CNOT6: variants seen among roughly 807,000 people sequenced by gnomAD.
CNOT6 encodes the protein carbon catabolite repression 4 protein.
In CNOT6, 12 loss-of-function variants were observed where a neutral mutation model predicts 61.2. That is an observed-to-expected ratio of 0.20 (90% CI 0.13 to 0.32). The LOEUF (loss-of-function observed/expected upper bound fraction) is 0.32, where lower values mean the gene tolerates loss of function less well. CNOT6 is among the 10% of genes least tolerant of loss of function. The pLI is 1.00. For missense variants in CNOT6, 405 were observed against 663.9 expected, an observed-to-expected ratio of 0.61 and a Z score of 4.28; for synonymous variants, 225 against 240.6, an observed-to-expected ratio of 0.94 and a Z score of 0.60.
intron 2 of CNOT6, among the ~76,000 whole-genome samples, chr5:180,542,114 C>A (rs1438434101): frequency 6.6e-6 from 1 of 152,104 alleles, no homozygotes; most frequent in African/African-American, 2.4e-5. Context: ...CTGTGGCTGC[C>A]TTAAGAGTCT....
intron 2 of CNOT6, among the ~76,000 whole-genome samples, chr5:180,532,273 A>G (rs1015416252): frequency 6.6e-6 from 1 of 152,090 alleles, no homozygotes; most frequent in Middle Eastern, 3.2e-3. Flanking sequence ...CAGTTTTTGC[A>G]TTACAATTCC....
intron 4 of CNOT6, among the ~76,000 whole-genome samples, chr5:180,558,883 A>G (rs1251757034): frequency 3.9e-5 from 6 of 152,142 alleles, no homozygotes; most frequent in Non-Finnish European, 7.4e-5. Context: ...GGCCCAAGCA[A>G]TCCCCCCACC....
chr5:180,501,274 A>G (rs774094744), intron 1 of CNOT6, among the ~76,000 whole-genome samples: 10 of 152,242 alleles, frequency 6.6e-5, no homozygotes, highest in Non-Finnish European at 1.5e-4. Flanking sequence ...AGCACAGGAT[A>G]CCAGAATTAG....
chr5:180,541,330 G>A (rs967973064), intron 2 of CNOT6, among the ~76,000 whole-genome samples: 29 of 151,376 alleles, frequency 1.9e-4, no homozygotes, highest in Non-Finnish European at 3.8e-4. Flanking sequence ...GTAGACACGG[G>A]GTTTCACCAT....
intron 1 of CNOT6, among the ~76,000 whole-genome samples, chr5:180,512,224 A>G (rs1757429307): frequency 6.6e-6 from 1 of 152,214 alleles, no homozygotes; most frequent in Non-Finnish European, 1.5e-5. Context: ...TTTTGTGAGA[A>G]AACAGCTTGT....
At chr5:180,558,695 T>C (rs1432465982) in intron 4 of CNOT6, among the ~76,000 whole-genome samples, 1 of 152,060 alleles carries the variant, frequency 6.6e-6, no homozygotes, top group Non-Finnish European at 1.5e-5. Context: ...ATTGAGACTT[T>C]TGTCTTCATG....
intron 2 of CNOT6, among the ~76,000 whole-genome samples, chr5:180,547,331 C>A (rs1014135582): frequency 6.6e-6 from 1 of 151,996 alleles, no homozygotes; most frequent in African/African-American, 2.4e-5. Flanking sequence ...ACCAGCCTGG[C>A]CAACATGGTG....
intron 11 of CNOT6, among the ~76,000 whole-genome samples, chr5:180,572,014 C>A (rs1430578289): frequency 6.6e-6 from 1 of 152,118 alleles, no homozygotes; most frequent in Non-Finnish European, 1.5e-5. Flanking sequence ...CTTTTGGGGA[C>A]AATTATGTTT....
intron 2 of CNOT6, among the ~76,000 whole-genome samples, chr5:180,541,173 C>T (rs1318106268): frequency 2.7e-5 from 4 of 150,300 alleles, no homozygotes; most frequent in Non-Finnish European, 5.9e-5. Flanking sequence ...GAGTCTTACT[C>T]TCTTGCCCAG....
rs35687441 is a variant in CNOT6, at chr5:180,575,892, GT to G, written c.*1704del. The G allele has an allele frequency of 0.2, 29,262 of 146,868 alleles. 2,859 individuals carry two copies. Among genetic ancestry groups the G allele is most frequent in the Non-Finnish European group, 0.22 (14,816 of 66,224 alleles). The allele number at this position is 146,868 out of a possible 1,614,324, so 9.1% of individuals were successfully genotyped here. ...GAGTCATTTTGGAAATGATTCTTAT[GT>G]TTTTTTTTTTTCTCCTTTTAGAAAA... On this transcript the variant is annotated 3_prime_UTR_variant, in exon 12 of 12. Transcript: ENST00000261951.
At chr5:180,551,624 G>A (rs1759606705) in intron 3 of CNOT6, among the ~76,000 whole-genome samples, 1 of 152,112 alleles carries the variant, frequency 6.6e-6, no homozygotes, top group African/African-American at 2.4e-5. Context: ...CATGTATTAT[G>A]TTAATCCCAA....
intron 1 of CNOT6, among the ~76,000 whole-genome samples, chr5:180,498,332 C>T (rs974945746): frequency 6.6e-6 from 1 of 152,194 alleles, no homozygotes; most frequent in African/African-American, 2.4e-5. Context: ...ACAAATAATA[C>T]TCCGATTTTG....
At chr5:180,559,042 A>G (rs1425422628) in intron 4 of CNOT6, among the ~76,000 whole-genome samples, 1 of 152,186 alleles carries the variant, frequency 6.6e-6, no homozygotes, top group Non-Finnish European at 1.5e-5. Flanking sequence ...GGCCTAGGAT[A>G]TGGTCCATCC....
intron 2 of CNOT6, among the ~76,000 whole-genome samples, chr5:180,548,362 G>A (rs1286941851): frequency 1.3e-5 from 2 of 152,148 alleles, no homozygotes; most frequent in South Asian, 4.1e-4. Context: ...CTCTGGCTCA[G>A]GTAGTTTCTC....
rs71591489 is a variant in CNOT6 at position 180,513,699 on chromosome 5, T to TTATTTATTTATTTATTTTTA, written c.-2-15575_-2-15574insATTTATTTATTTATTTTTAT. On this transcript the variant is annotated intron_variant, in intron 1 of 11. Coordinates refer to ENST00000261951, the MANE Select transcript of CNOT6 (RefSeq NM_001370472.1). ...TTTATTTATTTATTTATTTATTTAT[T>TTATTTATTTATTTATTTTTA]TTTATTTATTTATTTATTTTTGAGA... is the stretch of plus-strand genomic sequence containing the variant. 1.7e-4 allele frequency among the ~76,000 whole-genome samples: 24 copies of TTATTTATTTATTTATTTTTA among 140,056 alleles called. No individual in the cohort carries two copies. In the South Asian group the frequency reaches 2.7e-3, roughly 16 times the overall value. 91.9% of individuals were successfully genotyped at this position (140,056 alleles called of 152,430 possible).
chr5:180,539,831 C>T lies in CNOT6; in HGVS notation c.113-10100C>T, dbSNP rs182199943. On this transcript the variant is annotated intron_variant, in intron 2 of 11. Coordinates refer to ENST00000261951, the MANE Select transcript of CNOT6 (RefSeq NM_001370472.1). ...GTCTCCATCTCCTGACCTCATGATC[C>T]GCCCGCCTCGGCCTCCCAAAGTGCT... Among the ~76,000 whole-genome samples the T allele has an allele frequency of 1.6e-3, 238 of 151,894 alleles. 6 individuals carry two copies. In the East Asian group the frequency reaches 0.027, roughly 17 times the overall value.
chr5:180,517,152 T>G (rs1159496414), intron 1 of CNOT6, among the ~76,000 whole-genome samples: 1 of 152,210 alleles, frequency 6.6e-6, no homozygotes, highest in Non-Finnish European at 1.5e-5. Context: ...TCCTTTTTGT[T>G]TTTTCTAAGG....
In CNOT6 at chr5:180,575,871, C is replaced by T. The variant is rs1760979354; in HGVS notation, c.*1671C>T. 6.6e-6 allele frequency: 1 copy of T among 151,526 alleles called. No individual in the cohort carries two copies. Among genetic ancestry groups the T allele is most frequent in the Non-Finnish European group, 1.5e-5 (1 of 67,830 alleles). The allele number at this position is 151,526 out of a possible 1,614,324, so 9.4% of individuals were successfully genotyped here. A position where few individuals can be genotyped will look rare whatever the true frequency, so the allele number is the denominator to read the frequency against. ...AACAATTTTTATACAGAAAATGAGT[C>T]ATTTTGGAAATGATTCTTATGTTTT... On this transcript the variant is annotated 3_prime_UTR_variant, in exon 12 of 12. Transcript: ENST00000261951.
chr5:180,533,611 C>T (rs1210207988), intron 2 of CNOT6, among the ~76,000 whole-genome samples: 1 of 151,730 alleles, frequency 6.6e-6, no homozygotes, highest in Admixed American at 6.6e-5. Flanking sequence ...ATAGGGGTCT[C>T]CCTTTGTTGC....
Sources: gnomAD v4.1 joint callset for allele counts (sites outside exome capture counted in the v4.1 genomes callset) on GRCh38, gnomAD v4.1.1 for gene constraint, MANE v1.5 for transcripts, NCBI Gene and HGNC (gene_info 2026-07-23, HGNC 2026-07-21) for gene names.